Variants in LHFPL6 observed in about 807,000 individuals in gnomAD.
The protein encoded by LHFPL6 is LHFPL tetraspan subfamily member 6 protein.
A neutral mutation model predicts 20.6 loss-of-function variants in LHFPL6; 9 were observed. That is an observed-to-expected ratio of 0.44 (90% confidence interval 0.26 to 0.76). LHFPL6 has a LOEUF of 0.76. LHFPL6 is among the 30% of genes least tolerant of loss of function. The pLI, the probability that LHFPL6 is intolerant of heterozygous loss-of-function variation, is 0.20. For missense variants in LHFPL6, 218 were observed against 253.5 expected, an observed-to-expected ratio of 0.86 and a Z score of 0.95; for synonymous variants, 105 against 98.7, an observed-to-expected ratio of 1.06 and a Z score of -0.38.
chr13:39,414,701 T>C (rs936449651), intron 2 of LHFPL6, among the ~76,000 whole-genome samples: 8 of 152,200 alleles, frequency 5.3e-5, no homozygotes, highest in African/African-American at 1.9e-4. Flanking sequence ...AATTCTTGCT[T>C]ACAAAACTTG....
In LHFPL6 at chr13:39,410,442, A is replaced by T. The variant is rs139209224; in HGVS notation, c.386-31916T>A. 6.2e-4 allele frequency among the ~76,000 whole-genome samples: 94 copies of T among 152,316 alleles called. 2 individuals carry two copies. In the East Asian group the frequency reaches 0.018, roughly 29 times the overall value. On this transcript the variant is annotated intron_variant, in intron 2 of 3. Coordinates refer to ENST00000379589, the MANE Select transcript of LHFPL6 (RefSeq NM_005780.3). ...TCCAGTATCCCCATGGAACACCACC[A>T]CTAAACTTGAAAACAATGTTATTAC...
chr13:39,523,425 C>T (rs1870177739), intron 2 of LHFPL6, among the ~76,000 whole-genome samples: 1 of 151,992 alleles, frequency 6.6e-6, no homozygotes, highest in East Asian at 1.9e-4. Context: ...AAAAATTAAC[C>T]GGGCGAGGTG....
intron 2 of LHFPL6, among the ~76,000 whole-genome samples, chr13:39,516,923 G>A (rs1248000099): frequency 4.6e-5 from 7 of 152,322 alleles, no homozygotes; most frequent in Middle Eastern, 6.8e-3. Context: ...ATCAGCTCAT[G>A]TAGCATTCTA....
At chr13:39,536,063 T>C (rs557675212) in intron 2 of LHFPL6, among the ~76,000 whole-genome samples, 21 of 152,324 alleles carry the variant, frequency 1.4e-4, no homozygotes, top group African/African-American at 5.1e-4. Context: ...TCAATGTGTT[T>C]TCATTATCTA....
At chr13:39,384,939 C>T (rs999360479) in intron 2 of LHFPL6, among the ~76,000 whole-genome samples, 1 of 152,132 alleles carries the variant, frequency 6.6e-6, no homozygotes, top group Non-Finnish European at 1.5e-5. Context: ...AGTCAGCAAC[C>T]AGAGGAAGGT....
chr13:39,462,383 A>T (rs1258236568), intron 2 of LHFPL6, among the ~76,000 whole-genome samples: 3 of 150,694 alleles, frequency 2.0e-5, no homozygotes, highest in Admixed American at 6.6e-5. Flanking sequence ...GGTTGCTTTT[A>T]AAAAAAAATG....
intron 2 of LHFPL6, among the ~76,000 whole-genome samples, chr13:39,394,902 A>C (rs1238595168): frequency 1.3e-5 from 2 of 152,198 alleles, no homozygotes; most frequent in Admixed American, 6.5e-5. Flanking sequence ...GCTGTCACAC[A>C]GAAAAGAAGA....
chr13:39,410,566 A>G (rs1292810920), intron 2 of LHFPL6, among the ~76,000 whole-genome samples: 1 of 152,204 alleles, frequency 6.6e-6, no homozygotes, highest in Admixed American at 6.5e-5. Context: ...ACCAACAATG[A>G]CAAAACCAAC....
chr13:39,569,311 G>A (rs1871838912), intron 2 of LHFPL6, among the ~76,000 whole-genome samples: 1 of 152,154 alleles, frequency 6.6e-6, no homozygotes, highest in African/African-American at 2.4e-5. Flanking sequence ...TGGTTCTGGA[G>A]TTCATAAATG....
intron 2 of LHFPL6, among the ~76,000 whole-genome samples, chr13:39,539,672 G>A (rs1870736315): frequency 6.6e-6 from 1 of 152,210 alleles, no homozygotes; most frequent in African/African-American, 2.4e-5. Context: ...CTCTTACCAA[G>A]CAGGTGCAGA....
intron 2 of LHFPL6, among the ~76,000 whole-genome samples, chr13:39,535,764 A>G (rs1381079060): frequency 6.6e-6 from 1 of 152,220 alleles, no homozygotes; most frequent in Non-Finnish European, 1.5e-5. Flanking sequence ...TTTGTTAGAG[A>G]CAAAACCATC....
intron 2 of LHFPL6, among the ~76,000 whole-genome samples, chr13:39,481,168 T>C (rs1868507122): frequency 6.6e-6 from 1 of 152,226 alleles, no homozygotes; most frequent in Non-Finnish European, 1.5e-5. Context: ...CAGGAAAATG[T>C]TTAATTTTAT....
chr13:39,403,546 T>C (rs1871042508), intron 2 of LHFPL6, among the ~76,000 whole-genome samples: 1 of 152,174 alleles, frequency 6.6e-6, no homozygotes, highest in African/African-American at 2.4e-5. Flanking sequence ...GAGGCAAGAC[T>C]AGGGTGGCAA....
At chr13:39,566,959 G>A (rs1240855305) in intron 2 of LHFPL6, among the ~76,000 whole-genome samples, 1 of 150,322 alleles carries the variant, frequency 6.7e-6, no homozygotes, top group Non-Finnish European at 1.5e-5. Flanking sequence ...AGAATAGTGA[G>A]AAAATAATGT....
intron 2 of LHFPL6, among the ~76,000 whole-genome samples, chr13:39,412,112 T>C (rs1871251375): frequency 6.6e-6 from 1 of 152,244 alleles, no homozygotes; most frequent in African/African-American, 2.4e-5. Context: ...AATAAACTTT[T>C]ACCGTGTTTC....
chr13:39,505,434 G>A (rs919869577), intron 2 of LHFPL6, among the ~76,000 whole-genome samples: 2 of 151,904 alleles, frequency 1.3e-5, no homozygotes, highest in African/African-American at 4.8e-5. Context: ...ACTACTGAAA[G>A]AAATGAGGAT....
Position 39,540,148 on chromosome 13 carries a change from G to C in LHFPL6, c.385+60684C>G, listed in dbSNP as rs548180771. 4.6e-5 allele frequency among the ~76,000 whole-genome samples: 7 copies of C among 152,190 alleles called. No homozygotes were observed. In the South Asian group the frequency reaches 1.5e-3, roughly 32 times the overall value. On this transcript the variant is annotated intron_variant, in intron 2 of 3. Transcript: ENST00000379589. The stretch of plus-strand genomic sequence containing the variant: ...GTAAGGGTGGAGGGGTGAAACTCCT[G>C]CCAAGTTTCAAGGTCATAAAAGCAG...
At position 39,488,968 on chromosome 13, in the gene LHFPL6, G is replaced by A. The variant is rs548946884; in HGVS notation, c.386-110442C>T. Among the ~76,000 whole-genome samples the A allele has an allele frequency of 1.4e-4, 21 of 152,236 alleles. No individual in the cohort carries two copies. The East Asian group carries it at 3.3e-3, about 24-fold the overall frequency. On this transcript the variant is annotated intron_variant, in intron 2 of 3. Coordinates refer to ENST00000379589, the MANE Select transcript of LHFPL6 (RefSeq NM_005780.3). ...GACATAAATGCCCCAATAGAAAACCGTCTGCTTTATGTGGCTCCTTTCCTT... is the reference window on the plus strand; with the variant it reads ...GACATAAATGCCCCAATAGAAAACCATCTGCTTTATGTGGCTCCTTTCCTT...
chr13:39,439,266 T>TCCA (rs1872050626), intron 2 of LHFPL6, among the ~76,000 whole-genome samples: 2 of 152,224 alleles, frequency 1.3e-5, no homozygotes, highest in Non-Finnish European at 2.9e-5. Flanking sequence ...CCCTGCTGGG[T>TCCA]GCAGGACTTG....
Sources: allele counts gnomAD v4.1 joint callset (sites outside exome capture counted in the v4.1 genomes callset), GRCh38; gene constraint gnomAD v4.1.1; transcripts MANE v1.5; gene names NCBI Gene and HGNC (gene_info 2026-07-23, HGNC 2026-07-21).